Variants in CD226 observed in about 807,000 individuals in gnomAD.
CD226 encodes the protein CD226 antigen.
In CD226, 24 loss-of-function variants were observed where a neutral mutation model predicts 34.9. The ratio of observed to expected loss-of-function variants is 0.69; its 90% confidence interval spans 0.50 to 0.97. The LOEUF is 0.97. Among genes scored for constraint, CD226 ranks in the 50% least tolerant of loss-of-function variants. The probability of loss-of-function intolerance (pLI) is 0.00; values close to 1 mark genes in which losing one functional copy is unlikely to be tolerated. For missense variants in CD226, 397 were observed against 412.7 expected, an observed-to-expected ratio of 0.96 and a Z score of 0.33; for synonymous variants, 148 against 147.4, an observed-to-expected ratio of 1.00 and a Z score of -0.03.
intron 1 of CD226, 64 bp downstream of exon 1, chr18:69,947,297 G>T: frequency 1.8e-6 from 2 of 1,093,044 alleles, no homozygotes; most frequent in Non-Finnish European, 2.7e-6. Flanking sequence ...TTCTGAATAT[G>T]CCACACTGTA....
chr18:69,946,946 T>A lies in CD226; in HGVS notation c.170A>T (p.Gln57Leu). 1 of 1,614,216 alleles carries A rather than the reference T, an allele frequency of 6.2e-7. No individual in the cohort carries two copies. The highest frequency in any genetic ancestry group is 8.5e-7 in the Non-Finnish European group (1 of 1,180,030). Residue 57 changes from glutamine to leucine, a missense_variant, in exon 2 of 6, where the codon CAG becomes CTG. Gln to Leu is a moderately radical substitution (Grantham distance 113). Transcript: ENST00000582621. Reference protein sequence around the residue: ...QVEWFKIGTQQDSIAIFSPTH... With the variant: ...QVEWFKIGTQLDSIAIFSPTH... ...AGGGCTGAAAATGGCTATGGAATCC[T>A]GCTGGGTCCCGATCTTGAACCACTC...
intron 2 of CD226, among the ~76,000 whole-genome samples, chr18:69,897,905 C>A (rs1985392424): frequency 6.6e-6 from 1 of 152,112 alleles, no homozygotes; most frequent in Non-Finnish European, 1.5e-5. Flanking sequence ...CCACAGCACT[C>A]CAGCTTTCTC....
intron 2 of CD226, among the ~76,000 whole-genome samples, chr18:69,920,278 C>T (rs1270694981): frequency 3.9e-5 from 6 of 152,230 alleles, no homozygotes; most frequent in Admixed American, 3.3e-4. Context: ...ACTTACTTCT[C>T]TACTTCCATT....
At chr18:69,941,194 TG>T (rs1204755810) in intron 2 of CD226, among the ~76,000 whole-genome samples, 1 of 152,232 alleles carries the variant, frequency 6.6e-6, no homozygotes, top group East Asian at 1.9e-4. Context: ...AGAGCCCTCA[TG>T]GAAGACCTCT....
intron 5 of CD226, among the ~76,000 whole-genome samples, chr18:69,866,572 G>A (rs539102806): frequency 1.3e-5 from 2 of 152,156 alleles, no homozygotes; most frequent in African/African-American, 2.4e-5. Flanking sequence ...ATATCATTAC[G>A]TTCTTCTATG....
chr18:69,946,638 C>T (rs1281458099), intron 2 of CD226, 96 bp downstream of exon 2: 9 of 810,064 alleles, frequency 1.1e-5, no homozygotes, highest in Admixed American at 5.1e-5. Flanking sequence ...CACAGAAATA[C>T]GAGAAGACAT....
chr18:69,924,349 A>G (rs2055493242), intron 2 of CD226, among the ~76,000 whole-genome samples: 1 of 152,194 alleles, frequency 6.6e-6, no homozygotes, highest in Non-Finnish European at 1.5e-5. Flanking sequence ...GGAATGAAAT[A>G]GATATATACA....
chr18:69,958,574 G>A (rs528228003), upstream of CD226, among the ~76,000 whole-genome samples: 2 of 152,140 alleles, frequency 1.3e-5, no homozygotes, highest in East Asian at 1.9e-4. Context: ...CTCACACATC[G>A]GCTGAAACAG....
chr18:69,906,294 ATTAAG>A (rs1395129907), intron 2 of CD226, among the ~76,000 whole-genome samples: 1 of 152,264 alleles, frequency 6.6e-6, no homozygotes, highest in Non-Finnish European at 1.5e-5. Flanking sequence ...ATGTAATAAA[ATTAAG>A]TTAATTCTAA....
Position 69,859,373 on chromosome 18 carries a change from G to A in CD226, c.*4941C>T, listed in dbSNP as rs899412377. ...ATTATTAGCTCTAGGTGGAAAAAAA[G>A]TTATGTAGGAGGGAAAGCAAAATCA... On this transcript the variant is annotated 3_prime_UTR_variant, in exon 6 of 6. Coordinates refer to ENST00000582621, the MANE Select transcript of CD226 (RefSeq NM_001303618.2). 1 of 152,144 alleles carries A rather than the reference G, an allele frequency of 6.6e-6. No homozygotes were observed. Among genetic ancestry groups the A allele is most frequent in the Admixed American group, 6.5e-5 (1 of 15,278 alleles). The allele number at this position is 152,144 out of a possible 1,614,324, so 9.4% of individuals were successfully genotyped here.
In CD226 at chr18:69,864,386, G is replaced by T. The variant is rs749282215; in HGVS notation, c.939C>A (p.Ser313=). The change falls in exon 6 of 6, where the codon TCC becomes TCA. Residue 313 remains serine (S), a synonymous_variant. Coordinates refer to ENST00000582621, the MANE Select transcript of CD226 (RefSeq NM_001303618.2). The part of the protein sequence containing the change: ...PISTSQPTNQ[S]MDDTREDIYV... ...AAATATCCTCTCTTGTATCATCCAT[G>T]GATTGATTGGTAGGTTGACTGGTAG... 3.1e-6 allele frequency: 5 copies of T among 1,613,212 alleles called. No individual in the cohort carries two copies. The South Asian group carries it at 5.5e-5, about 18-fold the overall frequency.
intron 2 of CD226, among the ~76,000 whole-genome samples, chr18:69,900,254 G>A (rs2055158125): frequency 6.6e-6 from 1 of 152,120 alleles, no homozygotes. Flanking sequence ...CATAAAGAAG[G>A]AAACAACAGA....
chr18:69,900,731 T>G (rs1357335145), intron 2 of CD226, among the ~76,000 whole-genome samples: 5 of 124,050 alleles, frequency 4.0e-5, no homozygotes, highest in Non-Finnish European at 4.9e-5. Flanking sequence ...AGAGCGAGAC[T>G]CCGTCTCAAA....
chr18:69,960,390 C>T (rs2055924506), upstream of CD226, among the ~76,000 whole-genome samples: 1 of 152,178 alleles, frequency 6.6e-6, no homozygotes, highest in Non-Finnish European at 1.5e-5. Context: ...TCAGTTTCCT[C>T]CAGCAACAAA....
At chr18:69,880,516 A>G (rs188025660) in intron 3 of CD226, among the ~76,000 whole-genome samples, 105 of 152,238 alleles carry the variant, frequency 6.9e-4, no homozygotes, top group Admixed American at 2.7e-3. Flanking sequence ...GAACCTAAAA[A>G]AATTAATGTC....
chr18:69,857,034 T>C lies in CD226; in HGVS notation c.*7280A>G, dbSNP rs1982631184. On this transcript the variant is annotated 3_prime_UTR_variant, in exon 6 of 6. Coordinates refer to ENST00000582621, the MANE Select transcript of CD226 (RefSeq NM_001303618.2). Reference sequence around the variant, plus strand: ...ATACAAAAAAATTAGCTGGGCATGGTGGTGGGCGCCTGAAGTCCCAGCTAC... The same window carrying C: ...ATACAAAAAAATTAGCTGGGCATGGCGGTGGGCGCCTGAAGTCCCAGCTAC... 1 of 151,960 alleles carries C rather than the reference T, an allele frequency of 6.6e-6. No homozygotes were observed. The highest frequency in any genetic ancestry group is 1.5e-5 in the Non-Finnish European group (1 of 67,994). The allele number at this position is 151,960 out of a possible 1,614,324, so 9.4% of individuals were successfully genotyped here. A position where few individuals can be genotyped will look rare whatever the true frequency, so the allele number is the denominator to read the frequency against.
At chr18:69,927,341 C>A (rs960161913) in intron 2 of CD226, among the ~76,000 whole-genome samples, 3 of 148,740 alleles carry the variant, frequency 2.0e-5, no homozygotes, top group Non-Finnish European at 3.0e-5. Context: ...TTTGTTATAG[C>A]AGCCTGAACA....
At position 69,895,905 on chromosome 18, in the gene CD226, G is replaced by T. The variant is rs760134438; in HGVS notation, c.523C>A (p.Leu175Ile). ...TGGACCAAGTTGCAGTAAGTTAAGA[G>T]GTCGATCTGACGGGGCTGGATCTTT... ...WEKIQPRQID[L>I]LTYCNLVHGR... is the part of the protein sequence containing the mutation. Residue 175 changes from leucine (L) to isoleucine (I), a missense_variant, in exon 3 of 6, where the codon CTC becomes ATC. Leu to Ile is a conservative substitution (Grantham distance 5). Coordinates refer to ENST00000582621, the MANE Select transcript of CD226 (RefSeq NM_001303618.2). 6.2e-7 allele frequency: 1 copy of T among 1,614,148 alleles called. No homozygotes were observed. Among genetic ancestry groups the T allele is most frequent in the South Asian group, 1.1e-5 (1 of 91,082 alleles).
intron 3 of CD226, among the ~76,000 whole-genome samples, chr18:69,877,779 T>C (rs879738717): frequency 6.6e-6 from 1 of 152,174 alleles, no homozygotes; most frequent in Admixed American, 6.5e-5. Context: ...TAGTGGAACA[T>C]ATATTGTTTT....
Sources: gnomAD v4.1 joint callset for allele counts (sites outside exome capture counted in the v4.1 genomes callset) on GRCh38, gnomAD v4.1.1 for gene constraint, MANE v1.5 for transcripts, NCBI Gene and HGNC (gene_info 2026-07-23, HGNC 2026-07-21) for gene names.